IL1RAPL2: variants seen among roughly 807,000 people sequenced by gnomAD.
IL1RAPL2 encodes interleukin 1 receptor accessory protein like 2.
IL1RAPL2 carries 3 observed loss-of-function variants against 44.1 expected under a neutral mutation model. The observed-to-expected ratio is 0.07, with a 90% CI of 0.03 to 0.18. The LOEUF (loss-of-function observed/expected upper bound fraction) is 0.18. Among genes scored for constraint, IL1RAPL2 ranks in the 10% least tolerant of loss-of-function variants. The pLI is 1.00. For synonymous variants in IL1RAPL2, 181 were observed against 178.8 expected (o/e 1.01, Z -0.10); for missense variants, 391 against 496.4 (o/e 0.79, Z 2.02).
At chrX:105,375,363 T>C (rs2035379423) in intron 5 of IL1RAPL2, among the ~76,000 whole-genome samples, 1 of 110,765 alleles carries the variant, frequency 9.0e-6, no homozygotes, top group African/African-American at 3.3e-5. Context: ...CACAAAAAAT[T>C]AGCTGGACGT....
At chrX:105,379,482 T>C (rs1311501396) in intron 5 of IL1RAPL2, among the ~76,000 whole-genome samples, 5 of 112,003 alleles carry the variant, frequency 4.5e-5, no homozygotes, top group African/African-American at 1.6e-4. Context: ...GGAGGGGTCA[T>C]AGAAATGGAA....
intron 5 of IL1RAPL2, among the ~76,000 whole-genome samples, chrX:105,463,805 C>T (rs1180946482): frequency 8.9e-6 from 1 of 112,370 alleles, no homozygotes; most frequent in Non-Finnish European, 1.9e-5. Context: ...AAATTACTTT[C>T]AACACGATCT....
intron 2 of IL1RAPL2, among the ~76,000 whole-genome samples, chrX:105,017,122 T>C (rs890629504): frequency 3.6e-5 from 4 of 111,657 alleles, no homozygotes; most frequent in Non-Finnish European, 7.5e-5. Context: ...CTGATGGTAG[T>C]TTGTATCTCT....
chrX:105,388,924 A>G (rs963607504), intron 5 of IL1RAPL2, among the ~76,000 whole-genome samples: 2 of 111,644 alleles, frequency 1.8e-5, no homozygotes, highest in Non-Finnish European at 3.8e-5. Flanking sequence ...TTGAGATGCA[A>G]GCTTATATTT....
intron 4 of IL1RAPL2, among the ~76,000 whole-genome samples, chrX:105,257,703 T>C (rs911606826): frequency 8.9e-6 from 1 of 112,494 alleles, no homozygotes; most frequent in African/African-American, 3.2e-5. Flanking sequence ...TTCTATATTT[T>C]AATCTTTGTT....
intron 1 of IL1RAPL2, among the ~76,000 whole-genome samples, chrX:104,617,699 T>C (rs186267704): frequency 8.9e-6 from 1 of 112,270 alleles, no homozygotes; most frequent in Non-Finnish European, 1.9e-5. Flanking sequence ...TTTCAGAAGC[T>C]CTGATTGATT....
At chrX:104,851,075 G>A (rs927358350) in intron 2 of IL1RAPL2, among the ~76,000 whole-genome samples, 3 of 110,817 alleles carry the variant, frequency 2.7e-5, no homozygotes, top group Non-Finnish European at 5.7e-5. Context: ...GGGAATGTCA[G>A]GAGTTTGGAC....
chrX:105,584,381 G>T (rs906016875), intron 6 of IL1RAPL2, among the ~76,000 whole-genome samples: 2 of 111,268 alleles, frequency 1.8e-5, no homozygotes, highest in Non-Finnish European at 3.8e-5. Context: ...AATATTCCTT[G>T]CTCTGAAATC....
chrX:105,671,669 C>T (rs1320903067), intron 6 of IL1RAPL2, among the ~76,000 whole-genome samples: 1 of 111,633 alleles, frequency 9.0e-6, no homozygotes, highest in Non-Finnish European at 1.9e-5. Flanking sequence ...GTTAGAGGTA[C>T]ACCCAACTTT....
intron 5 of IL1RAPL2, among the ~76,000 whole-genome samples, chrX:105,364,418 C>A (rs1051837517): frequency 1.7e-4 from 19 of 109,957 alleles, no homozygotes; most frequent in African/African-American, 5.0e-4. Context: ...TTTTCTGGTT[C>A]CATATGAATT....
At chrX:104,759,170 C>T (rs1401192393) in intron 2 of IL1RAPL2, among the ~76,000 whole-genome samples, 1 of 112,499 alleles carries the variant, frequency 8.9e-6, no homozygotes, top group East Asian at 2.8e-4. Flanking sequence ...TGTAAACATT[C>T]TGCCTAGAAC....
intron 3 of IL1RAPL2, among the ~76,000 whole-genome samples, chrX:105,226,579 T>A (rs2147631451): frequency 9.3e-6 from 1 of 107,584 alleles, no homozygotes; most frequent in African/African-American, 3.4e-5. Flanking sequence ...TGTTTTGTAT[T>A]TTTAGTAGAG....
rs1037775748 is a variant in IL1RAPL2 at position 105,036,736 on chromosome X, A to C, written c.83-158739A>C. On this transcript the variant is annotated intron_variant, in intron 2 of 10. Transcript: ENST00000372582. Reference sequence around the variant, plus strand: ...ATTCCCCAAATTTCACGAACGTTACAAACTATAATACTTTTATGGCATTGA... The same window carrying C: ...ATTCCCCAAATTTCACGAACGTTACCAACTATAATACTTTTATGGCATTGA... Among the ~76,000 whole-genome samples, 3 of 111,722 alleles carry C rather than the reference A, an allele frequency of 2.7e-5. 1 individual carries two copies. Among genetic ancestry groups the C allele is most frequent in the Admixed American group, 9.6e-5 (1 of 10,447 alleles).
chrX:105,514,071 T>C (rs1028194319), intron 6 of IL1RAPL2, among the ~76,000 whole-genome samples: 5 of 111,500 alleles, frequency 4.5e-5, no homozygotes, highest in Non-Finnish European at 1.9e-5. Context: ...CTGTGTGTTG[T>C]CAGAAAAATG....
intron 6 of IL1RAPL2, among the ~76,000 whole-genome samples, chrX:105,593,488 G>A (rs983724588): frequency 1.8e-5 from 2 of 111,945 alleles, no homozygotes; most frequent in African/African-American, 3.2e-5. Flanking sequence ...GAACAAAGAA[G>A]ACATTCTGGC....
At chrX:104,704,406 G>A (rs932467626) in intron 2 of IL1RAPL2, among the ~76,000 whole-genome samples, 30 of 111,352 alleles carry the variant, frequency 2.7e-4, no homozygotes, top group African/African-American at 9.8e-4. Flanking sequence ...ACAGTACTTG[G>A]GGTGAGTTTA....
chrX:105,032,454 A>G (rs1179725455), intron 2 of IL1RAPL2, among the ~76,000 whole-genome samples: 1 of 110,525 alleles, frequency 9.0e-6, no homozygotes, highest in Non-Finnish European at 1.9e-5. Flanking sequence ...TTCAAAGAAC[A>G]TCTTTATTTC....
intron 2 of IL1RAPL2, among the ~76,000 whole-genome samples, chrX:105,029,814 G>A (rs980516866): frequency 9.0e-6 from 1 of 111,260 alleles, no homozygotes; most frequent in African/African-American, 3.3e-5. Context: ...CTAGATCCCT[G>A]AGGAATTGCC....
chrX:105,182,631 A>G (rs2147606100), intron 2 of IL1RAPL2, among the ~76,000 whole-genome samples: 1 of 111,665 alleles, frequency 9.0e-6, no homozygotes, highest in South Asian at 3.7e-4. Flanking sequence ...TTTATAATCA[A>G]GGTTATTATT....
Sources: gnomAD v4.1 joint callset for allele counts (sites outside exome capture counted in the v4.1 genomes callset) on GRCh38, gnomAD v4.1.1 for gene constraint, MANE v1.5 for transcripts, NCBI Gene and HGNC (gene_info 2026-07-23, HGNC 2026-07-21) for gene names.